Variants in SPAG16 observed in about 807,000 individuals in gnomAD.
SPAG16 encodes sperm associated antigen 16.
SPAG16 carries 86 observed loss-of-function variants against 80.4 expected under a neutral mutation model. The ratio of observed to expected loss-of-function variants is 1.07; its 90% CI spans 0.90 to 1.28. The LOEUF (loss-of-function observed/expected upper bound fraction) is 1.28, where lower values mean the gene tolerates loss of function less well. Ranked by LOEUF, SPAG16 falls within the 50% of genes most tolerant of loss-of-function variation. The pLI is 0.00. For synonymous variants in SPAG16, 294 were observed against 265.9 expected (o/e 1.11, Z -1.03); for missense variants, 870 against 765.3 (o/e 1.14, Z -1.61).
At chr2:213,627,771 A>G (rs1353156650) in intron 10 of SPAG16, among the ~76,000 whole-genome samples, 1 of 152,224 alleles carries the variant, frequency 6.6e-6, no homozygotes, top group Non-Finnish European at 1.5e-5. Context: ...CAGTATGCCA[A>G]TGGGTATTCA....
intron 14 of SPAG16, among the ~76,000 whole-genome samples, chr2:214,132,622 A>G (rs1291430816): frequency 1.3e-5 from 2 of 152,218 alleles, no homozygotes; most frequent in Non-Finnish European, 2.9e-5. Context: ...AATGGTTGAT[A>G]TTTACCAGAA....
At position 213,833,473 on chromosome 2, in the gene SPAG16, A is replaced by ATTATAT. The variant is rs1431535446; in HGVS notation, c.1071-29012_1071-29011insTTATAT. On this transcript the variant is annotated intron_variant, in intron 10 of 15. Coordinates refer to ENST00000331683, the MANE Select transcript of SPAG16 (RefSeq NM_024532.5). ...TATATATTATATATATATTATATAT[A>ATTATAT]ATAATATATATATTATATATAATAT... Among the ~76,000 whole-genome samples the ATTATAT allele has an allele frequency of 2.4e-3, 16 of 6,748 alleles. 1 individual carries two copies. Among genetic ancestry groups the ATTATAT allele is most frequent in the South Asian group, 0.02 (2 of 102 alleles). The allele number at this position is 6,748 out of a possible 152,430, so 4.4% of individuals were successfully genotyped here.
Position 213,599,146 on chromosome 2 carries a change from C to T in SPAG16, c.1070+109056C>T, listed in dbSNP as rs892755547. Among the ~76,000 whole-genome samples the T allele has an allele frequency of 2.6e-5, 4 of 152,264 alleles. No individual in the cohort carries two copies. The South Asian group carries it at 8.3e-4, about 32-fold the overall frequency. ...GAAAAACAAATATAGTTTTAAAACTCAGTTTACTTGTAATAATCTAAAAAC... is the reference window on the plus strand; with the variant it reads ...GAAAAACAAATATAGTTTTAAAACTTAGTTTACTTGTAATAATCTAAAAAC... On this transcript the variant is annotated intron_variant, in intron 10 of 15. Transcript: ENST00000331683.
intron 10 of SPAG16, among the ~76,000 whole-genome samples, chr2:213,715,770 A>C (rs1342147726): frequency 1.3e-5 from 2 of 152,192 alleles, no homozygotes; most frequent in African/African-American, 4.8e-5. Context: ...TCCTCAGAAG[A>C]AGCTGATATT....
intron 15 of SPAG16, among the ~76,000 whole-genome samples, chr2:214,342,700 C>A (rs1176489189): frequency 6.6e-6 from 1 of 152,002 alleles, no homozygotes; most frequent in Non-Finnish European, 1.5e-5. Context: ...CAAAACCACC[C>A]CCAGTGGAAA....
intron 5 of SPAG16, among the ~76,000 whole-genome samples, chr2:213,335,601 C>T (rs1021388054): frequency 5.9e-5 from 9 of 152,034 alleles, no homozygotes; most frequent in African/African-American, 2.2e-4. Context: ...TCTTGATATA[C>T]GCAAATGGGT....
At chr2:213,411,574 T>C (rs1425199843) in intron 9 of SPAG16, among the ~76,000 whole-genome samples, 1 of 152,098 alleles carries the variant, frequency 6.6e-6, no homozygotes, top group African/African-American at 2.4e-5. Flanking sequence ...CTGCCCCCAA[T>C]AGAAGTATAA....
chr2:213,994,796 A>T (rs2046440474), intron 12 of SPAG16, among the ~76,000 whole-genome samples: 1 of 152,162 alleles, frequency 6.6e-6, no homozygotes, highest in African/African-American at 2.4e-5. Flanking sequence ...AATTGTTTTT[A>T]TAATAAAGAA....
intron 13 of SPAG16, among the ~76,000 whole-genome samples, chr2:214,057,859 G>A (rs1367912567): frequency 6.6e-6 from 1 of 151,930 alleles, no homozygotes; most frequent in Non-Finnish European, 1.5e-5. Context: ...TTATGTTATG[G>A]AGATGGCTTC....
At chr2:214,186,896 A>C (rs1490988449) in intron 15 of SPAG16, among the ~76,000 whole-genome samples, 1 of 152,142 alleles carries the variant, frequency 6.6e-6, no homozygotes, top group Non-Finnish European at 1.5e-5. Context: ...AGTAGCTGGG[A>C]CTACAGGCCT....
intron 5 of SPAG16, among the ~76,000 whole-genome samples, chr2:213,323,876 C>G (rs1259365456): frequency 1.3e-5 from 2 of 152,094 alleles, no homozygotes; most frequent in Admixed American, 1.3e-4. Flanking sequence ...AAGACAGTCA[C>G]AGAGGGATGA....
intron 10 of SPAG16, among the ~76,000 whole-genome samples, chr2:213,746,079 C>T (rs547874658): frequency 2.6e-5 from 4 of 152,266 alleles, no homozygotes; most frequent in East Asian, 1.9e-4. Context: ...GACTTGTGGA[C>T]GTCAGATGCA....
intron 13 of SPAG16, among the ~76,000 whole-genome samples, chr2:214,048,863 T>G (rs2049484073): frequency 1.3e-5 from 2 of 152,066 alleles, no homozygotes; most frequent in South Asian, 4.1e-4. Flanking sequence ...AACAAAAAAA[T>G]CTTATTATTC....
chr2:213,781,965 A>T (rs369511241), intron 10 of SPAG16, among the ~76,000 whole-genome samples: 1 of 152,198 alleles, frequency 6.6e-6, no homozygotes, highest in Non-Finnish European at 1.5e-5. Context: ...CACGTTTTCT[A>T]TAGCAATAAC....
At chr2:213,444,425 T>TAG (rs1208712349) in intron 9 of SPAG16, among the ~76,000 whole-genome samples, 1 of 152,206 alleles carries the variant, frequency 6.6e-6, no homozygotes, top group East Asian at 1.9e-4. Flanking sequence ...AAATAACTGT[T>TAG]TACTTAGTAC....
intron 10 of SPAG16, among the ~76,000 whole-genome samples, chr2:213,554,241 G>A (rs72940945): frequency 0.17 from 26,177 of 152,096 alleles, 3,065 homozygotes; most frequent in Non-Finnish European, 0.26. Context: ...GGTTGCTGAG[G>A]ATCCCCTGAA....
intron 10 of SPAG16, among the ~76,000 whole-genome samples, chr2:213,736,338 G>C (rs1462884243): frequency 6.6e-6 from 1 of 151,988 alleles, no homozygotes; most frequent in African/African-American, 2.4e-5. Flanking sequence ...CTGTCACCCA[G>C]GCTGGAGTGC....
chr2:214,201,840 TTTTA>T (rs1458659454), intron 15 of SPAG16, among the ~76,000 whole-genome samples: 1 of 152,100 alleles, frequency 6.6e-6, no homozygotes, highest in African/African-American at 2.4e-5. Flanking sequence ...TTTCCTTTCC[TTTTA>T]TTTATTTATT....
chr2:214,063,059 C>T (rs899765633), intron 13 of SPAG16, among the ~76,000 whole-genome samples: 2 of 152,066 alleles, frequency 1.3e-5, no homozygotes, highest in African/African-American at 2.4e-5. Context: ...AAAAATTCAA[C>T]AAGTAATCAA....
Sources: allele counts gnomAD v4.1 joint callset (sites outside exome capture counted in the v4.1 genomes callset), GRCh38; gene constraint gnomAD v4.1.1; transcripts MANE v1.5; gene names NCBI Gene and HGNC (gene_info 2026-07-23, HGNC 2026-07-21).